MDN1: variants seen among roughly 807,000 people sequenced by gnomAD.
MDN1 encodes midasin AAA ATPase 1.
Under a neutral mutation model 669.2 loss-of-function variants are expected in MDN1, and 266 were observed. The observed-to-expected ratio is 0.40, with a 90% CI of 0.36 to 0.44. MDN1 has a LOEUF of 0.44. Among genes scored for constraint, MDN1 ranks in the 20% least tolerant of loss-of-function variants. The pLI is 1.00. For synonymous variants in MDN1, 2,385 were observed against 2,457.1 expected, an observed-to-expected ratio of 0.97 and a Z score of 0.87; for missense variants, 5,940 against 6,754.0, an observed-to-expected ratio of 0.88 and a Z score of 4.22.
intron 60 of MDN1, among the ~76,000 whole-genome samples, 172 bp downstream of exon 60, chr6:89,696,188 T>G (rs111714732): frequency 6.6e-5 from 10 of 152,258 alleles, no homozygotes; most frequent in African/African-American, 2.4e-4. Flanking sequence ...AAAACTGACA[T>G]GGGAACCAGC....
At chr6:89,646,483 G>T in intron 100 of MDN1, 57 bp downstream of exon 100, 1 of 1,449,338 alleles carries the variant, frequency 6.9e-7, no homozygotes, top group Non-Finnish European at 9.7e-7. Flanking sequence ...CAAGCAGCTT[G>T]GGAATATAGA....
Position 89,772,638 on chromosome 6 carries a change from A to G in MDN1, c.2018T>C (p.Val673Ala), listed in dbSNP as rs1188118521. ...LAVCVSKGEPVLLVGETGTGK... is the reference protein window; with the variant it reads ...LAVCVSKGEPALLVGETGTGK... Reference sequence around the variant, plus strand: ...AGTCCCGGTCTCTCCCACCAGCAACACAGGCTCCCCTTTGCTGACACACAC... The same window carrying G: ...AGTCCCGGTCTCTCCCACCAGCAACGCAGGCTCCCCTTTGCTGACACACAC... The change falls in exon 14 of 102, where the codon GTG (valine) becomes GCG (alanine). Residue 673 changes from valine to alanine, a missense_variant. By Grantham distance (64) the Val-to-Ala change is moderately conservative. Coordinates refer to ENST00000369393, the MANE Select transcript of MDN1 (RefSeq NM_014611.3). 2.5e-6 allele frequency: 4 copies of G among 1,614,196 alleles called. No homozygotes were observed. The highest frequency in any genetic ancestry group is 3.4e-6 in the Non-Finnish European group (4 of 1,180,030).
At chr6:89,749,485 G>T in intron 25 of MDN1, 58 bp downstream of exon 25, 1 of 1,595,266 alleles carries the variant, frequency 6.3e-7, no homozygotes, top group Non-Finnish European at 8.6e-7. Flanking sequence ...TTCTTACTAC[G>T]AAAAATCTAC....
chr6:89,806,460 T>C (rs1180968323), intron 1 of MDN1, among the ~76,000 whole-genome samples: 3 of 152,046 alleles, frequency 2.0e-5, no homozygotes, highest in Non-Finnish European at 4.4e-5. Context: ...CTCACGCCTA[T>C]AAACCCAGCA....
At chr6:89,644,524 G>A (rs1265949564) in intron 101 of MDN1, among the ~76,000 whole-genome samples, 1 of 152,142 alleles carries the variant, frequency 6.6e-6, no homozygotes, top group East Asian at 1.9e-4. Context: ...AGGCCTTAAT[G>A]TGACCCACAG....
intron 42 of MDN1, 45 bp from the exon 43 acceptor site, chr6:89,718,672 ACTGTTAT>A: frequency 6.2e-7 from 1 of 1,608,524 alleles, no homozygotes; most frequent in South Asian, 1.1e-5. Context: ...GTCAGAGAAT[ACTGTTAT>A]CTGTACTCAT....
chr6:89,751,957 T>G (rs1362944142), intron 22 of MDN1, among the ~76,000 whole-genome samples: 2 of 152,160 alleles, frequency 1.3e-5, no homozygotes, highest in Admixed American at 6.5e-5. Context: ...GGAAGGAGGT[T>G]TTGCACTATT....
At position 89,749,284 on chromosome 6, in the gene MDN1, T is replaced by C. The variant is rs1816831227; in HGVS notation, c.3701A>G (p.Lys1234Arg). Residue 1234 changes from lysine to arginine, a missense_variant, in exon 26 of 102, where the codon AAG (lysine) becomes AGG (arginine). By Grantham distance (26) the Lys-to-Arg change is conservative. This residue lies in a region of MDN1 where 2,292 missense variants were observed against 2,638.3 expected (regional missense o/e 0.87). Coordinates refer to ENST00000369393, the MANE Select transcript of MDN1 (RefSeq NM_014611.3). ...PSSELETILH[K>R]RCSLPPSYCS... is the part of the protein sequence containing the mutation. Reference sequence around the variant, plus strand: ...ATAGGAGGGTGGCAAACTACACCGCTTGTGCAAGATTGTTTCCAACTCGGA... The same window carrying C: ...ATAGGAGGGTGGCAAACTACACCGCCTGTGCAAGATTGTTTCCAACTCGGA... The C allele has an allele frequency of 6.2e-7, 1 of 1,614,102 alleles. No individual in the cohort carries two copies. The highest frequency in any genetic ancestry group is 8.5e-7 in the Non-Finnish European group (1 of 1,179,996).
At chr6:89,667,604 A>T (rs1810347109) in intron 84 of MDN1, among the ~76,000 whole-genome samples, 1 of 152,228 alleles carries the variant, frequency 6.6e-6, no homozygotes, top group Non-Finnish European at 1.5e-5. Context: ...CAGATTTTTT[A>T]AAACACTCTA....
rs575478160 is a variant in MDN1 at position 89,789,893 on chromosome 6, G to A, written c.1117C>T (p.Arg373Cys). Reference sequence around the variant, plus strand: ...AACTCTCCAGGAACATCTGTGCAGCGATACATCCCCAAAAGCATCTGCAGA... The same window carrying A: ...AACTCTCCAGGAACATCTGTGCAGCAATACATCCCCAAAAGCATCTGCAGA... ...TDSKMLLGMY[R>C]CTDVPGEFVW... Residue 373 changes from arginine to cysteine, a missense_variant, in exon 7 of 102, where the codon CGC (arginine) becomes TGC (cysteine). Physicochemically the swap from Arg to Cys is radical, Grantham distance 180 (BLOSUM62 -3). Transcript: ENST00000369393. 8.1e-6 allele frequency: 13 copies of A among 1,611,362 alleles called. No homozygotes were observed. The highest frequency in any genetic ancestry group is 3.4e-5 in the Admixed American group (2 of 59,160).
chr6:89,736,809 G>A (rs972369378), intron 33 of MDN1, among the ~76,000 whole-genome samples: 1 of 152,024 alleles, frequency 6.6e-6, no homozygotes, highest in Non-Finnish European at 1.5e-5. Flanking sequence ...CCCCAGAAAA[G>A]TCTGTATTAT....
At chr6:89,745,747 GA>G in intron 27 of MDN1, 121 bp from the exon 28 acceptor site, 1 of 935,020 alleles carries the variant, frequency 1.1e-6, no homozygotes, top group East Asian at 2.6e-5. Context: ...GTAGAAATCT[GA>G]AGAACTAGGA....
chr6:89,719,294 A>C, intron 40 of MDN1, 69 bp from the exon 41 acceptor site: 1 of 1,275,084 alleles, frequency 7.8e-7, no homozygotes, highest in South Asian at 1.2e-5. Flanking sequence ...ACTTTCTAGA[A>C]AACAAGCACA....
At chr6:89,758,433 T>C in intron 18 of MDN1, 82 bp from the exon 19 acceptor site, 2 of 1,147,042 alleles carry the variant, frequency 1.7e-6, no homozygotes, top group Non-Finnish European at 2.5e-6. Context: ...AGCCTGATGC[T>C]GGCTGCTCAC....
In MDN1 at chr6:89,685,810, GA is replaced by G. The variant is rs201213093; in HGVS notation, c.11719+16del. On this transcript the variant is annotated intron_variant, in intron 70 of 101. Transcript: ENST00000369393. ...TTAGTCGTGCAATGTCAAAGGAAAG[GA>G]AAAAAAAATCCTCACCCTTTCCTTC... 1.7e-5 allele frequency: 28 copies of G among 1,602,192 alleles called. No individual in the cohort carries two copies. The highest frequency in any genetic ancestry group is 5.1e-5 in the Admixed American group (3 of 58,798).
At chr6:89,737,852 T>C (rs1437069459) in intron 33 of MDN1, among the ~76,000 whole-genome samples, 1 of 151,810 alleles carries the variant, frequency 6.6e-6, no homozygotes, top group Non-Finnish European at 1.5e-5. Flanking sequence ...GCCTCCCAAG[T>C]AGCTGGGATT....
At chr6:89,755,393 AAAAAAAT>A in intron 20 of MDN1, among the ~76,000 whole-genome samples, 1 of 151,934 alleles carries the variant, frequency 6.6e-6, no homozygotes, top group African/African-American at 2.4e-5. Context: ...AAAAAAAAAA[AAAAAAAT>A]AGAACTCCAA....
chr6:89,672,261 A>G lies in MDN1; in HGVS notation c.13733T>C (p.Ile4578Thr), dbSNP rs1032468001. Residue 4578 changes from isoleucine (I) to threonine (T), a missense_variant, in exon 82 of 102, where the codon ATC becomes ACC. Physicochemically the swap from Ile to Thr is moderately conservative, Grantham distance 89 (BLOSUM62 -1). Around this residue, in one of 5 missense-constraint regions of MDN1, gnomAD observed 2,280 missense variants for 2,576.3 expected, o/e 0.88. Transcript: ENST00000369393. ...TTTCAGCCTCTCCAACAGCTCGGAG[A>G]TGGCAGAAATTATTTTCTGCACGTG... ...TLHVQKIISAISELLERLKSY... is the reference protein window; with the variant it reads ...TLHVQKIISATSELLERLKSY... 1 of 1,612,104 alleles carries G rather than the reference A, an allele frequency of 6.2e-7. No individual in the cohort carries two copies. Among genetic ancestry groups the G allele is most frequent in the African/African-American group, 1.3e-5 (1 of 74,904 alleles).
rs148886154 is a variant in MDN1, at chr6:89,774,662, C to A, written c.1893G>T (p.Val631=). The A allele has an allele frequency of 3.3e-5, 53 of 1,613,658 alleles. 1 individual carries two copies. The Middle Eastern group carries it at 6.6e-4, about 20-fold the overall frequency. Residue 631 remains valine, a synonymous_variant, in exon 13 of 102, where the codon GTG becomes GTT. Transcript: ENST00000369393. ...CCTCACTTTGTTTCCGTAGAAGCCG[C>A]ACTCGACCCACTTGCAAATCTAGCT... ...INELDLQVGR[V]RLLRKQSEAV...
Sources: allele counts gnomAD v4.1 joint callset (sites outside exome capture counted in the v4.1 genomes callset), GRCh38; gene constraint gnomAD v4.1.1; regional missense constraint gnomAD v4.1.1; transcripts MANE v1.5; gene names NCBI Gene and HGNC (gene_info 2026-07-23, HGNC 2026-07-21).